The following ASH1L variants were observed in gnomAD, a reference collection of about 807,000 sequenced individuals.
ASH1L encodes histone-lysine N-methyltransferase ASH1L.
ASH1L carries 23 observed loss-of-function variants against 269.0 expected under a neutral mutation model. The observed-to-expected ratio is 0.09, with a 90% confidence interval of 0.06 to 0.12. The LOEUF is 0.12. ASH1L is among the 10% of genes least tolerant of loss of function. ASH1L has a pLI of 1.00. For synonymous variants in ASH1L, 1,187 were observed against 1,253.5 expected, an observed-to-expected ratio of 0.95 and a Z score of 1.12; for missense variants, 2,912 against 3,567.8, an observed-to-expected ratio of 0.82 and a Z score of 4.68.
rs1437495789 is a variant in ASH1L, at chr1:155,483,035, T to TG, written c.421-587dup. Among the ~76,000 whole-genome samples the TG allele has an allele frequency of 7.4e-3, 1,126 of 152,308 alleles. 19 individuals carry two copies. Among genetic ancestry groups the TG allele is most frequent in the African/African-American group, 0.026 (1,088 of 41,574 alleles). ...TTAAAAATTCATATTTTCATCAGAA[T>TG]GTGTTTTTATATAAAATCTTAGAAT... On this transcript the variant is annotated intron_variant, in intron 2 of 27. Coordinates refer to ENST00000392403, the MANE Select transcript of ASH1L (RefSeq NM_018489.3).
chr1:155,463,927 C>T (rs1179470980), intron 3 of ASH1L, among the ~76,000 whole-genome samples: 1 of 152,154 alleles, frequency 6.6e-6, no homozygotes, highest in Non-Finnish European at 1.5e-5. Flanking sequence ...CTCATATAGG[C>T]ACCTCCAGGG....
chr1:155,369,541 CTCA>C (rs996602154), intron 12 of ASH1L, among the ~76,000 whole-genome samples: 3 of 151,780 alleles, frequency 2.0e-5, no homozygotes, highest in Non-Finnish European at 4.4e-5. Context: ...TCATACTATC[CTCA>C]TATTATCTTT....
chr1:155,415,979 T>A, intron 5 of ASH1L, 56 bp from the exon 6 acceptor site: 1 of 1,349,676 alleles, frequency 7.4e-7, no homozygotes, highest in Non-Finnish European at 9.8e-7. Context: ...TTCCTACAAA[T>A]AATTGTCTAC....
At chr1:155,449,721 A>G (rs1338177713) in intron 4 of ASH1L, among the ~76,000 whole-genome samples, 1 of 151,966 alleles carries the variant, frequency 6.6e-6, no homozygotes, top group East Asian at 1.9e-4. Flanking sequence ...GGGTTTCACC[A>G]TGTTAGCCAG....
rs2148318345 is a variant in ASH1L at position 155,342,021 on chromosome 1, A to G, written c.8375T>C (p.Ile2792Thr). The change falls in exon 25 of 28, where the codon ATC (isoleucine) becomes ACC (threonine). Residue 2792 changes from isoleucine (I) to threonine (T), a missense_variant. Ile to Thr is a moderately conservative substitution (Grantham distance 89). Coordinates refer to ENST00000392403, the MANE Select transcript of ASH1L (RefSeq NM_018489.3). ...GCAGACAGGATAGCGGTTCCGGTGG[A>G]TCTTGTAAAACAGGTGTGCTGACTT... is the stretch of plus-strand genomic sequence containing the variant. ...LDKSAHLFYK[I>T]HRNRYPVCTK... The G allele has an allele frequency of 6.2e-7, 1 of 1,614,066 alleles. No homozygotes were observed. The highest frequency in any genetic ancestry group is 8.5e-7 in the Non-Finnish European group (1 of 1,180,020).
chr1:155,467,336 A>T (rs1664767476), intron 3 of ASH1L, among the ~76,000 whole-genome samples: 1 of 152,330 alleles, frequency 6.6e-6, no homozygotes, highest in Admixed American at 6.5e-5. Context: ...AATCACTATC[A>T]GGATTGGGAG....
In ASH1L at chr1:155,478,259, G is replaced by A; in HGVS notation, c.4611C>T (p.His1537=). 6.2e-7 allele frequency: 1 copy of A among 1,614,146 alleles called. No individual in the cohort carries two copies. Among genetic ancestry groups the A allele is most frequent in the Non-Finnish European group, 8.5e-7 (1 of 1,180,034 alleles). Residue 1537 remains histidine, a synonymous_variant, in exon 3 of 28, where the codon CAC becomes CAT. Coordinates refer to ENST00000392403, the MANE Select transcript of ASH1L (RefSeq NM_018489.3). The surrounding 1 kb of genome is among the most constrained non-coding windows in gnomAD (Gnocchi z 4.6). ...AAGGAGAGAGATGAGGGCAGGACATGTGACAACGGTGCTTTTCCTTATGCT... is the reference window on the plus strand; with the variant it reads ...AAGGAGAGAGATGAGGGCAGGACATATGACAACGGTGCTTTTCCTTATGCT... The part of the protein sequence containing the change: ...RYKHKEKHRC[H]MSCPHLSPSK...
rs781672805 is a variant in ASH1L at position 155,481,229 on chromosome 1, G to A, written c.1641C>T (p.Phe547=). Residue 547 remains phenylalanine (F), a synonymous_variant, in exon 3 of 28, where the codon TTC becomes TTT. Transcript: ENST00000392403. ...GGAGATTGCTTTCTCCTACTGCACTGAATGGGGATTTAGCGGTAGATACAT... is the reference window on the plus strand; with the variant it reads ...GGAGATTGCTTTCTCCTACTGCACTAAATGGGGATTTAGCGGTAGATACAT... ...ASDVSTAKSP[F]SAVGESNLPS... is the part of the protein sequence containing the mutation. The A allele has an allele frequency of 2.9e-5, 47 of 1,613,972 alleles. No individual in the cohort carries two copies. The highest frequency in any genetic ancestry group is 4.0e-5 in the Non-Finnish European group (47 of 1,180,002).
Position 155,562,125 on chromosome 1 carries a change from G to A in ASH1L, c.-100+28C>T, listed in dbSNP as rs1294213962. The A allele has an allele frequency of 2.8e-6, 4 of 1,435,606 alleles. No homozygotes were observed. The African/African-American group carries it at 4.2e-5, about 15-fold the overall frequency. The allele number at this position is 1,435,606 out of a possible 1,614,324, so 88.9% of individuals were successfully genotyped here. On this transcript the variant is annotated intron_variant, in intron 1 of 27. Coordinates refer to ENST00000392403, the MANE Select transcript of ASH1L (RefSeq NM_018489.3). ...AATCGCTGAGAGAGTGCTTAGGCCC[G>A]AATGCCGGCCCAAATCGTTCTACTC...
In ASH1L at chr1:155,480,886, T is replaced by A; in HGVS notation, c.1984A>T (p.Ile662Phe). 6.2e-7 allele frequency: 1 copy of A among 1,614,002 alleles called. No homozygotes were observed. The highest frequency in any genetic ancestry group is 8.5e-7 in the Non-Finnish European group (1 of 1,179,950). Reference sequence around the variant, plus strand: ...ACAACTGAAGGAGTAATAGTATGAATGCTGGATTCAGAAGTCAAACTTGGC... The same window carrying A: ...ACAACTGAAGGAGTAATAGTATGAAAGCTGGATTCAGAAGTCAAACTTGGC... ...KKPSLTSESS[I>F]HTITPSVVNF... Residue 662 changes from isoleucine (I) to phenylalanine (F), a missense_variant, in exon 3 of 28, where the codon ATT (isoleucine) becomes TTT (phenylalanine). Transcript: ENST00000392403.
At chr1:155,356,023 C>T (rs1654355460) in intron 15 of ASH1L, among the ~76,000 whole-genome samples, 2 of 151,720 alleles carry the variant, frequency 1.3e-5, no homozygotes, top group African/African-American at 2.4e-5. Context: ...CTGCAACCTC[C>T]ACCTCCTGGG....
intron 6 of ASH1L, among the ~76,000 whole-genome samples, chr1:155,412,568 C>G (rs1659895556): frequency 6.6e-6 from 1 of 152,160 alleles, no homozygotes; most frequent in African/African-American, 2.4e-5. Context: ...TCTATAGCGT[C>G]TGTAATATCC....
chr1:155,402,321 C>T (rs866735815), intron 6 of ASH1L, among the ~76,000 whole-genome samples: 19 of 152,188 alleles, frequency 1.2e-4, no homozygotes, highest in South Asian at 4.1e-4. Flanking sequence ...TTCATAATGT[C>T]ACCTTTCCCT....
At chr1:155,505,000 C>T (rs1667726550) in intron 2 of ASH1L, among the ~76,000 whole-genome samples, 1 of 152,030 alleles carries the variant, frequency 6.6e-6, no homozygotes, top group South Asian at 2.1e-4. Context: ...AATCCTACTA[C>T]AAAGTAGGAC....
intron 1 of ASH1L, among the ~76,000 whole-genome samples, chr1:155,553,091 C>A (rs1281211962): frequency 6.6e-6 from 1 of 152,062 alleles, no homozygotes; most frequent in Non-Finnish European, 1.5e-5. Flanking sequence ...CAGATCTGAG[C>A]CTAATCAATC....
chr1:155,498,794 C>A (rs1667319358), intron 2 of ASH1L, among the ~76,000 whole-genome samples: 2 of 151,956 alleles, frequency 1.3e-5, no homozygotes, highest in African/African-American at 4.8e-5. Flanking sequence ...CTATGTTGCC[C>A]AGGCTGGTCT....
intron 2 of ASH1L, among the ~76,000 whole-genome samples, chr1:155,499,604 C>T (rs1324170167): frequency 6.6e-6 from 1 of 152,114 alleles, no homozygotes; most frequent in African/African-American, 2.4e-5. Context: ...TGATGTCTCT[C>T]AAAAAGCTTT....
intron 7 of ASH1L, among the ~76,000 whole-genome samples, chr1:155,383,378 T>C (rs527691852): frequency 6.6e-6 from 1 of 152,348 alleles, no homozygotes; most frequent in Non-Finnish European, 1.5e-5. Flanking sequence ...GTAAGCTCCA[T>C]TCAGGTAAGT....
At chr1:155,436,380 G>A (rs372411842) in intron 5 of ASH1L, among the ~76,000 whole-genome samples, 2 of 151,656 alleles carry the variant, frequency 1.3e-5, no homozygotes, top group South Asian at 2.1e-4. Flanking sequence ...TAGTAGAGAC[G>A]GGGTTTCTCC....
Sources: gnomAD v4.1 joint callset for allele counts (sites outside exome capture counted in the v4.1 genomes callset) on GRCh38, gnomAD v4.1.1 for gene constraint, Gnocchi (gnomAD v3.1) non-coding constraint, MANE v1.5 for transcripts, NCBI Gene and HGNC (gene_info 2026-07-23, HGNC 2026-07-21) for gene names.